EPN2: variants seen among roughly 807,000 people sequenced by gnomAD.
EPN2 encodes epsin-2.
EPN2 carries 34 observed loss-of-function variants against 61.7 expected under a neutral mutation model. The observed-to-expected ratio is 0.55, with a 90% CI of 0.42 to 0.73. EPN2 has a LOEUF of 0.73. Among genes scored for constraint, EPN2 ranks in the 30% least tolerant of loss-of-function variants. EPN2 has a pLI of 0.00. For missense variants in EPN2, 714 were observed against 839.2 expected, an observed-to-expected ratio of 0.85 and a Z score of 1.84; for synonymous variants, 349 against 353.6, an observed-to-expected ratio of 0.99 and a Z score of 0.15.
chr17:19,296,533 AAG>A (rs1266611170), intron 4 of EPN2: 3 of 152,346 alleles, frequency 2.0e-5, no homozygotes, highest in South Asian at 2.1e-4. Context: ...GAAATAGAAA[AAG>A]AAGAAAAAAA....
chr17:19,275,164 G>A (rs181549341), intron 1 of EPN2, among the ~76,000 whole-genome samples: 1 of 152,152 alleles, frequency 6.6e-6, no homozygotes, highest in Non-Finnish European at 1.5e-5. Flanking sequence ...ACTGTGGCTG[G>A]GGGGAGCCTG....
chr17:19,287,086 G>A (rs919441728), intron 4 of EPN2, among the ~76,000 whole-genome samples: 2 of 152,106 alleles, frequency 1.3e-5, no homozygotes, highest in Non-Finnish European at 2.9e-5. Flanking sequence ...TCTCCCGCTG[G>A]CAAACTGGCT....
chr17:19,286,603 C>T (rs1289500734), intron 4 of EPN2, among the ~76,000 whole-genome samples: 5 of 152,120 alleles, frequency 3.3e-5, no homozygotes, highest in South Asian at 4.1e-4. Flanking sequence ...AGAAGGGGCA[C>T]GACAGAGAGC....
intron 1 of EPN2, among the ~76,000 whole-genome samples, chr17:19,238,090 C>T (rs900524259): frequency 6.6e-6 from 1 of 152,210 alleles, no homozygotes. Context: ...GGGCCCCCTT[C>T]CGTCCTTGGG....
chr17:19,331,678 T>C (rs1907158627), intron 9 of EPN2, among the ~76,000 whole-genome samples, 175 bp from the exon 10 acceptor site: 1 of 152,228 alleles, frequency 6.6e-6, no homozygotes, highest in African/African-American at 2.4e-5. Context: ...TCCTGCATGC[T>C]GGTGTTTCGT....
intron 6 of EPN2, 74 bp from the exon 7 acceptor site, chr17:19,313,031 T>C: frequency 2.0e-6 from 3 of 1,499,612 alleles, no homozygotes; most frequent in Admixed American, 1.9e-5. Context: ...GTGGGTGATA[T>C]TTATGGCTAG....
At chr17:19,241,276 T>C (rs2044881607) in intron 1 of EPN2, among the ~76,000 whole-genome samples, 1 of 152,194 alleles carries the variant, frequency 6.6e-6, no homozygotes, top group Admixed American at 6.5e-5. Context: ...TATGTCCATC[T>C]GTTGAGTTTT....
chr17:19,278,446 A>G (rs556050223), intron 1 of EPN2, among the ~76,000 whole-genome samples: 7 of 152,326 alleles, frequency 4.6e-5, no homozygotes, highest in Non-Finnish European at 8.8e-5. Context: ...AAAAATGAGG[A>G]AGAAGCAAAA....
rs78619267 is a variant in EPN2 at position 19,299,115 on chromosome 17, T to C, written c.767-10770T>C. On this transcript the variant is annotated intron_variant, in intron 4 of 10. Transcript: ENST00000314728. ...CCCAGCAGTGAAGGAGAGTGCTCAA[T>C]TGGGAGCCCCTGAGCCCACAGCAGG... Among the ~76,000 whole-genome samples, 109 of 152,322 alleles carry C rather than the reference T, an allele frequency of 7.2e-4. No homozygotes were observed. The East Asian group carries it at 0.016, about 23-fold the overall frequency.
chr17:19,253,604 G>T (rs2045039913), intron 1 of EPN2, among the ~76,000 whole-genome samples: 1 of 151,804 alleles, frequency 6.6e-6, no homozygotes, highest in Admixed American at 6.6e-5. Context: ...TTTCAGTGTT[G>T]CCCAGGCTGG....
At chr17:19,263,056 T>C (rs1290983267) in intron 1 of EPN2, among the ~76,000 whole-genome samples, 1 of 152,268 alleles carries the variant, frequency 6.6e-6, no homozygotes, top group African/African-American at 2.4e-5. Flanking sequence ...CATGAGTCCC[T>C]GTGTAGACAT....
chr17:19,268,590 T>C (rs1443515468), intron 1 of EPN2, among the ~76,000 whole-genome samples: 1 of 152,188 alleles, frequency 6.6e-6, no homozygotes, highest in Non-Finnish European at 1.5e-5. Context: ...TTTAAAAATA[T>C]ATTGCAGAGT....
intron 7 of EPN2, among the ~76,000 whole-genome samples, chr17:19,327,196 A>G (rs2152238559): frequency 6.6e-6 from 1 of 152,332 alleles, no homozygotes; most frequent in East Asian, 1.9e-4. Context: ...CATGTGAACA[A>G]GAACAAGCAG....
At chr17:19,312,224 A>G (rs1906174963) in intron 6 of EPN2, 80 bp downstream of exon 6, 4 of 967,536 alleles carry the variant, frequency 4.1e-6, no homozygotes, top group South Asian at 2.6e-5. Flanking sequence ...ACTTGCCTGG[A>G]TGGCGTGATG....
intron 7 of EPN2, among the ~76,000 whole-genome samples, chr17:19,315,412 G>A (rs1183259519): frequency 6.6e-6 from 1 of 152,192 alleles, no homozygotes; most frequent in African/African-American, 2.4e-5. Flanking sequence ...ATGGGCTGCT[G>A]CTTCACCTAG....
Position 19,263,491 on chromosome 17 carries a change from A to G in EPN2, c.-293-18464A>G, listed in dbSNP as rs560542858. 2.6e-5 allele frequency among the ~76,000 whole-genome samples: 4 copies of G among 152,332 alleles called. No individual in the cohort carries two copies. In the South Asian group the frequency reaches 8.3e-4, roughly 32 times the overall value. On this transcript the variant is annotated intron_variant, in intron 1 of 10. Coordinates refer to ENST00000314728, the MANE Select transcript of EPN2 (RefSeq NM_014964.5). ...GAGCGTCTTAGATGGGTATGATGAT[A>G]TTGGAACAGAGAAGGGCAACCACAT...
intron 1 of EPN2, among the ~76,000 whole-genome samples, chr17:19,276,777 T>TTTTTTTTTTTGTTTG (rs1555598443): frequency 0.01 from 1,557 of 148,334 alleles, 34 homozygotes; most frequent in South Asian, 0.057. Context: ...GAATAAGTTT[T>TTTTTTTTTTTGTTTG]TTTTTTTTTT....
chr17:19,274,544 C>A (rs947161117), intron 1 of EPN2, among the ~76,000 whole-genome samples: 13 of 152,104 alleles, frequency 8.5e-5, no homozygotes, highest in African/African-American at 2.9e-4. Flanking sequence ...AAAGACAGCT[C>A]CCTGACAGCC....
At chr17:19,272,834 G>A (rs947439805) in intron 1 of EPN2, among the ~76,000 whole-genome samples, 4 of 152,072 alleles carry the variant, frequency 2.6e-5, no homozygotes, top group Admixed American at 6.5e-5. Flanking sequence ...AGGGGGAGGT[G>A]CAGCTCCTTG....
Sources: gnomAD v4.1 joint callset for allele counts (sites outside exome capture counted in the v4.1 genomes callset) on GRCh38, gnomAD v4.1.1 for gene constraint, MANE v1.5 for transcripts, NCBI Gene and HGNC (gene_info 2026-07-23, HGNC 2026-07-21) for gene names.